Variants in MACROD2 observed in about 807,000 individuals in gnomAD.
MACROD2 encodes mono-ADP ribosylhydrolase 2.
Under a neutral mutation model 70.4 loss-of-function variants are expected in MACROD2, and 36 were observed. That is an observed-to-expected ratio of 0.51 (90% CI 0.39 to 0.68). MACROD2 has a LOEUF of 0.68. Ranked by LOEUF, MACROD2 falls within the 30% of genes least tolerant of loss-of-function variation. MACROD2 has a pLI of 0.00. For synonymous variants in MACROD2, 172 were observed against 178.8 expected (o/e 0.96, Z 0.30); for missense variants, 496 against 538.4 (o/e 0.92, Z 0.78).
At position 14,344,593 on chromosome 20, in the gene MACROD2, T is replaced by G. The variant is rs1226821455; in HGVS notation, c.272-148886T>G. Among the ~76,000 whole-genome samples the G allele has an allele frequency of 5.9e-5, 9 of 152,350 alleles. No individual in the cohort carries two copies. In the East Asian group the frequency reaches 1.3e-3, roughly 23 times the overall value. On this transcript the variant is annotated intron_variant, in intron 3 of 17. Coordinates refer to ENST00000684519, the MANE Select transcript of MACROD2 (RefSeq NM_001351661.2). ...TTTGAAGTGTATTCATGCTGGAAATTCACAAATACTTTGCTAGGTTTCCTA... is the reference window on the plus strand; with the variant it reads ...TTTGAAGTGTATTCATGCTGGAAATGCACAAATACTTTGCTAGGTTTCCTA...
At chr20:15,167,609 A>T (rs2076394451) in intron 5 of MACROD2, among the ~76,000 whole-genome samples, 1 of 152,218 alleles carries the variant, frequency 6.6e-6, no homozygotes, top group African/African-American at 2.4e-5. Context: ...TAATTACATT[A>T]TACCTTCTGA....
At chr20:14,478,306 G>T (rs1310586135) in intron 3 of MACROD2, among the ~76,000 whole-genome samples, 2 of 152,076 alleles carry the variant, frequency 1.3e-5, no homozygotes. Context: ...CAAGATATTG[G>T]ATATGAGCCA....
chr20:15,130,004 C>A (rs1364207172), intron 5 of MACROD2, among the ~76,000 whole-genome samples: 3 of 152,074 alleles, frequency 2.0e-5, no homozygotes, highest in Non-Finnish European at 4.4e-5. Context: ...GCTTCCTGGT[C>A]ACCCACCTCC....
chr20:15,649,154 TTCTTTCTTTCTC>T (rs1227249628), intron 8 of MACROD2, among the ~76,000 whole-genome samples: 2 of 138,580 alleles, frequency 1.4e-5, no homozygotes, highest in Admixed American at 7.3e-5. Flanking sequence ...TTTCTTTCTT[TTCTTTCTTTCTC>T]TCTTTCTCTT....
At chr20:14,058,961 C>T (rs1215299582) in intron 2 of MACROD2, among the ~76,000 whole-genome samples, 1 of 152,044 alleles carries the variant, frequency 6.6e-6, no homozygotes, top group Non-Finnish European at 1.5e-5. Flanking sequence ...CATTTTCATT[C>T]ATATTTTAAC....
chr20:14,095,748 T>C (rs1218111418), intron 3 of MACROD2, among the ~76,000 whole-genome samples: 1 of 152,222 alleles, frequency 6.6e-6, no homozygotes, highest in Non-Finnish European at 1.5e-5. Flanking sequence ...TAATACCTCA[T>C]GTTTTAGTCC....
intron 5 of MACROD2, among the ~76,000 whole-genome samples, chr20:15,085,152 G>A (rs1220100344): frequency 1.3e-5 from 2 of 152,098 alleles, no homozygotes; most frequent in African/African-American, 4.8e-5. Flanking sequence ...ATTCAGTAGA[G>A]GAAAGAATGC....
At chr20:16,004,159 T>G (rs6034348) in intron 15 of MACROD2, among the ~76,000 whole-genome samples, 4,279 of 152,174 alleles carry the variant, frequency 0.028, 185 homozygotes, top group East Asian at 0.22. Context: ...GGGCATTACC[T>G]GTGGTAAGGA....
intron 3 of MACROD2, among the ~76,000 whole-genome samples, chr20:14,230,714 G>A (rs1339801247): frequency 1.6e-5 from 2 of 121,792 alleles, no homozygotes; most frequent in Non-Finnish European, 3.3e-5. Flanking sequence ...CCCAGCCTAT[G>A]TTATAATTTG....
At chr20:15,115,029 C>A (rs2075982171) in intron 5 of MACROD2, among the ~76,000 whole-genome samples, 1 of 152,208 alleles carries the variant, frequency 6.6e-6, no homozygotes, top group Admixed American at 6.5e-5. Context: ...TGCCACCTAT[C>A]TTTGCCAATT....
intron 5 of MACROD2, among the ~76,000 whole-genome samples, chr20:14,927,745 T>C (rs2074250835): frequency 6.6e-6 from 1 of 152,190 alleles, no homozygotes; most frequent in South Asian, 2.1e-4. Context: ...CCTGATGGAA[T>C]TGAACTGAAA....
At chr20:14,311,250 A>G (rs2082564348) in intron 3 of MACROD2, among the ~76,000 whole-genome samples, 1 of 152,140 alleles carries the variant, frequency 6.6e-6, no homozygotes. Context: ...TTTATGTCAT[A>G]TTTTTAATGT....
chr20:14,684,722 C>A, intron 4 of MACROD2, 121 bp from the exon 5 acceptor site: 1 of 652,190 alleles, frequency 1.5e-6, no homozygotes. Flanking sequence ...CCTGGGTTTT[C>A]TTCCACGGGC....
chr20:14,867,121 A>G (rs950182416), intron 5 of MACROD2, among the ~76,000 whole-genome samples: 2 of 152,130 alleles, frequency 1.3e-5, no homozygotes, highest in East Asian at 3.9e-4. Flanking sequence ...ATGCTTTTCT[A>G]AAAAGCCCCA....
chr20:15,109,934 A>C (rs988845460), intron 5 of MACROD2, among the ~76,000 whole-genome samples: 6 of 152,124 alleles, frequency 3.9e-5, no homozygotes, highest in Non-Finnish European at 7.4e-5. Flanking sequence ...GGAGAGCAAA[A>C]AGGCAAGTGC....
chr20:14,014,227 C>G (rs1601113539), intron 2 of MACROD2, among the ~76,000 whole-genome samples: 2 of 134,670 alleles, frequency 1.5e-5, no homozygotes, highest in South Asian at 5.8e-4. Context: ...CTTGCTCCCC[C>G]CTCCCCCCCA....
In MACROD2 at chr20:15,500,723, T is replaced by A. The variant is rs1035627043; in HGVS notation, c.645+876T>A. ...GGAAACAGGTGACGGGGTTTTCAAA[T>A]GAGAAAGCACTTGGTACTTTTGTGT... On this transcript the variant is annotated intron_variant, in intron 8 of 17. Coordinates refer to ENST00000684519, the MANE Select transcript of MACROD2 (RefSeq NM_001351661.2). Among the ~76,000 whole-genome samples, 11 of 152,322 alleles carry A rather than the reference T, an allele frequency of 7.2e-5. No homozygotes were observed. The East Asian group carries it at 1.9e-3, about 27-fold the overall frequency.
chr20:15,663,929 G>T (rs1452518190), intron 8 of MACROD2, among the ~76,000 whole-genome samples: 1 of 152,152 alleles, frequency 6.6e-6, no homozygotes, highest in Non-Finnish European at 1.5e-5. Context: ...TAATCACAGT[G>T]GTGTGTATAA....
At chr20:14,923,010 G>A (rs1307392403) in intron 5 of MACROD2, among the ~76,000 whole-genome samples, 1 of 152,174 alleles carries the variant, frequency 6.6e-6, no homozygotes, top group South Asian at 2.1e-4. Context: ...TCAGAGTTAG[G>A]AGCTGGAGAT....
Sources: gnomAD v4.1 joint callset for allele counts (sites outside exome capture counted in the v4.1 genomes callset) on GRCh38, gnomAD v4.1.1 for gene constraint, MANE v1.5 for transcripts, NCBI Gene and HGNC (gene_info 2026-07-23, HGNC 2026-07-21) for gene names.